Variants in LZTR1 observed in about 807,000 individuals in gnomAD.
LZTR1 encodes leucine-zipper-like transcriptional regulator 1.
In LZTR1, 260 loss-of-function variants were observed where a neutral mutation model predicts 105.7. The observed-to-expected ratio is 2.46, with a 90% CI of 2.22 to 2.72. The LOEUF (loss-of-function observed/expected upper bound fraction) is 2.72, where lower values mean the gene tolerates loss of function less well. LZTR1 is among the 30% of genes most tolerant of loss of function. The pLI, the probability that LZTR1 is intolerant of heterozygous loss-of-function variation, is 0.00. For synonymous variants in LZTR1, 490 were observed against 476.4 expected, an observed-to-expected ratio of 1.03 and a Z score of -0.37; for missense variants, 1,214 against 1,166.9, an observed-to-expected ratio of 1.04 and a Z score of -0.59.
In LZTR1 at chr22:20,991,626, A is replaced by T; in HGVS notation, c.792-2A>T. ...CATTGATTCACTGTTGTGTACCCCC[A>T]GGTGGACACGCATCCCAACTGAACA... On this transcript the variant is annotated splice_acceptor_variant, in intron 8 of 20. Coordinates refer to ENST00000646124, the MANE Select transcript of LZTR1 (RefSeq NM_006767.4). LOFTEE classifies it high-confidence loss of function. The T allele has an allele frequency of 1.3e-6, 2 of 1,582,296 alleles. No homozygotes were observed. Among genetic ancestry groups the T allele is most frequent in the Non-Finnish European group, 1.7e-6 (2 of 1,169,248 alleles).
intron 2 of LZTR1, among the ~76,000 whole-genome samples, chr22:20,985,186 T>A (rs1601715380): frequency 6.7e-6 from 1 of 150,034 alleles, no homozygotes; most frequent in Non-Finnish European, 1.5e-5. Flanking sequence ...GCCTCCCGAG[T>A]AGCTGGGATT....
Position 20,995,774 on chromosome 22 carries a change from A to G in LZTR1, c.1971A>G (p.Ala657=), listed in dbSNP as rs764398850. ...CATCTCTGATCCAGGACATGAAGGC[A>G]TACCTGGAGGGAGCGGGCGCGGAAT... The part of the protein sequence containing the change: ...IGTSLIQDMK[A]YLEGAGAEFC... Residue 657 remains alanine (A), a synonymous_variant, in exon 17 of 21, where the codon GCA becomes GCG. Transcript: ENST00000646124. The G allele has an allele frequency of 2.0e-5, 33 of 1,613,512 alleles. No individual in the cohort carries two copies. Among genetic ancestry groups the G allele is most frequent in the South Asian group, 3.3e-5 (3 of 91,092 alleles).
chr22:20,993,644 A>C lies in LZTR1; in HGVS notation c.1261-18A>C, dbSNP rs749398346. ...CCTGCTGTCTGCAACATCTAGTCTC[A>C]CTGGGCCCCTCTTGCAGTTCTCCTG... On this transcript the variant is annotated intron_variant, in intron 11 of 20. Transcript: ENST00000646124. 3 of 1,607,962 alleles carry C rather than the reference A, an allele frequency of 1.9e-6. No individual in the cohort carries two copies. The highest frequency in any genetic ancestry group is 4.5e-5 in the East Asian group (2 of 44,716).
chr22:20,992,271 AC>A lies in LZTR1; in HGVS notation c.1053del (p.Tyr352MetfsTer109), dbSNP rs2147965456. 1 of 1,613,832 alleles carries A rather than the reference AC, an allele frequency of 6.2e-7. No individual in the cohort carries two copies. Among genetic ancestry groups the A allele is most frequent in the Non-Finnish European group, 8.5e-7 (1 of 1,179,932 alleles). On this transcript the variant is annotated frameshift_variant, in exon 10 of 21. Coordinates refer to ENST00000646124, the MANE Select transcript of LZTR1 (RefSeq NM_006767.4). LOFTEE classifies it high-confidence loss of function. ...ACASEEVPTLTYEERVGFKKS... is the reference protein window; with the variant it reads ...ACASEEVPTLXYEERVGFKKS... The stretch of plus-strand genomic sequence containing the variant: ...TGCTTCCGAGGAGGTGCCCACCCTG[AC>A]CTATGAGGAGCGGGTTGGCTTCAAG...
rs1472913919 is a variant in LZTR1, at chr22:20,988,795, A to AT, written c.516_517insT (p.Val173CysfsTer3). The AT allele has an allele frequency of 1.2e-6, 2 of 1,613,790 alleles. No individual in the cohort carries two copies. Among genetic ancestry groups the AT allele is most frequent in the Non-Finnish European group, 1.7e-6 (2 of 1,179,852 alleles). On this transcript the variant is annotated frameshift_variant, in exon 6 of 21. Transcript: ENST00000646124. LOFTEE classifies it high-confidence loss of function. ...CTCTTCCCTCACACTCCAGGTTGCC[A>AT]GTCGCTAGGTCAGCCCATGGGGCCA... is the stretch of plus-strand genomic sequence containing the variant.
At chr22:20,989,484 G>C in intron 6 of LZTR1, 141 bp from the exon 7 acceptor site, 1 of 742,120 alleles carries the variant, frequency 1.3e-6, no homozygotes, top group African/African-American at 1.7e-5. Flanking sequence ...ACCCCACACA[G>C]AAGTTCCCGC....
Position 20,997,909 on chromosome 22 carries a change from G to A in LZTR1, c.*561G>A, listed in dbSNP as rs1344115492. The A allele has an allele frequency of 6.6e-6, 1 of 152,606 alleles. No individual in the cohort carries two copies. The highest frequency in any genetic ancestry group is 1.5e-5 in the Non-Finnish European group (1 of 68,360). 9.5% of individuals were successfully genotyped at this position (152,606 alleles called of 1,614,324 possible). A position where few individuals can be genotyped will look rare whatever the true frequency, so the allele number is the denominator to read the frequency against. Reference sequence around the variant, plus strand: ...ATGATGTATGGGTCTCACCTGACTTGAGGTGAATTTTGGAGTGAAGGGCCC... The same window carrying A: ...ATGATGTATGGGTCTCACCTGACTTAAGGTGAATTTTGGAGTGAAGGGCCC... On this transcript the variant is annotated 3_prime_UTR_variant, in exon 21 of 21. Coordinates refer to ENST00000646124, the MANE Select transcript of LZTR1 (RefSeq NM_006767.4).
rs1448442728 is a variant in LZTR1, at chr22:20,989,627, TG to T, written c.597del (p.Asn200MetfsTer52). 1 of 1,613,488 alleles carries T rather than the reference TG, an allele frequency of 6.2e-7. No homozygotes were observed. The highest frequency in any genetic ancestry group is 8.5e-7 in the Non-Finnish European group (1 of 1,179,856). ...IFAGYDGNAR[L>X]NDMWTIGLQD... ...CTCACTGGTCTGTCCTAATACAGGT[TG>T]AATGACATGTGGACAATTGGCCTCC... On this transcript the variant is annotated frameshift_variant, in exon 7 of 21. Transcript: ENST00000646124. LOFTEE classifies it high-confidence loss of function.
rs746896119 is a variant in LZTR1 at position 20,994,558 on chromosome 22, G to A, written c.1616G>A (p.Gly539Asp). ...GAGATTCGGGGGCTCTGGGGCGCAG[G>A]CCATGTGGAGGATGTGCTGCTCATC... is the stretch of plus-strand genomic sequence containing the variant. The part of the protein sequence containing the change: ...YTDKIKYPRK[G>D]HVEDVLLIMD... The change falls in exon 15 of 21, where the codon GGC becomes GAC. Residue 539 changes from glycine (G) to aspartate (D), a missense_variant and splice_region_variant. Physicochemically the swap from Gly to Asp is moderately conservative, Grantham distance 94 (BLOSUM62 -1). Transcript: ENST00000646124. The A allele has an allele frequency of 1.2e-6, 2 of 1,608,924 alleles. No homozygotes were observed. Among genetic ancestry groups the A allele is most frequent in the South Asian group, 1.1e-5 (1 of 91,080 alleles).
At position 20,991,687 on chromosome 22, in the gene LZTR1, G is replaced by A. The variant is rs768361273; in HGVS notation, c.851G>A (p.Arg284His). The A allele has an allele frequency of 3.1e-6, 5 of 1,603,628 alleles. No individual in the cohort carries two copies. Among genetic ancestry groups the A allele is most frequent in the East Asian group, 4.5e-5 (2 of 44,556 alleles). The change falls in exon 9 of 21, where the codon CGC (arginine) becomes CAC (histidine). Residue 284 changes from arginine (R) to histidine (H), a missense_variant. Coordinates refer to ENST00000646124, the MANE Select transcript of LZTR1 (RefSeq NM_006767.4). ...LRGSPPPPQR[R>H]YGHTMVAFDR... ...GGCTCCCCACCACCCCCGCAGCGGC[G>A]CTACGGGCATACCATGGTGGCCTTT...
intron 3 of LZTR1, chr22:20,986,759 A>G (rs1360493637): frequency 1.3e-5 from 2 of 152,226 alleles, no homozygotes; most frequent in Non-Finnish European, 2.9e-5. Flanking sequence ...GGTTAGATAG[A>G]TAGGTATTAA....
At position 20,990,510 on chromosome 22, in the gene LZTR1, A is replaced by T; in HGVS notation, c.776A>T (p.Glu259Val). 6.2e-7 allele frequency: 1 copy of T among 1,612,572 alleles called. No individual in the cohort carries two copies. Among genetic ancestry groups the T allele is most frequent in the Non-Finnish European group, 8.5e-7 (1 of 1,179,124 alleles). Residue 259 changes from glutamate (E) to valine (V), a missense_variant, in exon 8 of 21, where the codon GAA becomes GTA. Coordinates refer to ENST00000646124, the MANE Select transcript of LZTR1 (RefSeq NM_006767.4). ...AKITNNLFQF[E>V]FKDKTWTRIP... ...ATAACCAACAACCTCTTCCAGTTTG[A>T]ATTCAAGGACAAGACGTGAGTACTC...
intron 6 of LZTR1, among the ~76,000 whole-genome samples, chr22:20,989,172 C>T (rs987267090): frequency 3.3e-5 from 5 of 152,272 alleles, no homozygotes; most frequent in Non-Finnish European, 7.3e-5. Flanking sequence ...GGCTCAGGCC[C>T]AGCCCTGGTT....
At position 20,994,656 on chromosome 22, in the gene LZTR1, G is replaced by T. The variant is rs768161325; in HGVS notation, c.1714G>T (p.Ala572Ser). 2.5e-6 allele frequency: 4 copies of T among 1,612,802 alleles called. No homozygotes were observed. In the African/African-American group the frequency reaches 5.3e-5, roughly 22 times the overall value. Residue 572 changes from alanine (A) to serine (S), a missense_variant, in exon 15 of 21, where the codon GCC becomes TCC. Coordinates refer to ENST00000646124, the MANE Select transcript of LZTR1 (RefSeq NM_006767.4). ...GCAGCTGTGCCGCCAGTACATCGAG[G>T]CCTCCGTGGACCTGCAGAACGTGCT... is the stretch of plus-strand genomic sequence containing the variant. The part of the protein sequence containing the change: ...LEQLCRQYIE[A>S]SVDLQNVLVV...
chr22:20,995,063 GGGAT>G lies in LZTR1; in HGVS notation c.1942+40_1942+43del, dbSNP rs1228336394. The G allele has an allele frequency of 4.4e-6, 7 of 1,580,292 alleles. No individual in the cohort carries two copies. In the Admixed American group the frequency reaches 8.7e-5, roughly 20 times the overall value. ...CGTTCCCCTTCCCTGGGGGCTGGGA[GGGAT>G]GGTGTTCATCTGCGGTAGGAGATTG... On this transcript the variant is annotated intron_variant, in intron 16 of 20. Coordinates refer to ENST00000646124, the MANE Select transcript of LZTR1 (RefSeq NM_006767.4).
chr22:20,985,174 C>T (rs947565851), intron 2 of LZTR1, among the ~76,000 whole-genome samples: 5 of 151,448 alleles, frequency 3.3e-5, no homozygotes, highest in Non-Finnish European at 7.4e-5. Flanking sequence ...GATTCTGCCG[C>T]AGCCTCCCGA....
intron 16 of LZTR1, chr22:20,995,281 C>T: frequency 1.5e-6 from 1 of 681,228 alleles, no homozygotes; most frequent in Non-Finnish European, 2.7e-6. Context: ...GGACATGGGG[C>T]ACCTCTTTCG....
In LZTR1 at chr22:20,993,741, T is replaced by A; in HGVS notation, c.1340T>A (p.Phe447Tyr). The A allele has an allele frequency of 6.2e-7, 1 of 1,613,110 alleles. No homozygotes were observed. Among genetic ancestry groups the A allele is most frequent in the Non-Finnish European group, 8.5e-7 (1 of 1,179,824 alleles). The change falls in exon 12 of 21, where the codon TTC becomes TAC. Residue 447 changes from phenylalanine (F) to tyrosine (Y), a missense_variant. Phe to Tyr is a conservative substitution (Grantham distance 22). Transcript: ENST00000646124. ...AGCCGCCAGTTCTGCGACGTGGAGT[T>A]CGTGCTGGGTGAGGTGGGTGCCTGT... ...WESRQFCDVE[F>Y]VLGEKEECVQ...
chr22:20,994,616 G>C lies in LZTR1; in HGVS notation c.1674G>C (p.Gln558His), dbSNP rs766667772. The C allele has an allele frequency of 5.1e-5, 82 of 1,612,710 alleles. No homozygotes were observed. Among genetic ancestry groups the C allele is most frequent in the Non-Finnish European group, 6.9e-5 (81 of 1,179,996 alleles). ...MDVYKLALSF[Q>H]LCRLEQLCRQ... ...TGTACAAACTGGCACTGAGCTTCCA[G>C]TTGTGCCGCCTGGAGCAGCTGTGCC... is the stretch of plus-strand genomic sequence containing the variant. The change falls in exon 15 of 21, where the codon CAG becomes CAC. Residue 558 changes from glutamine to histidine, a missense_variant. Coordinates refer to ENST00000646124, the MANE Select transcript of LZTR1 (RefSeq NM_006767.4).
Sources: gnomAD v4.1 joint callset for allele counts (sites outside exome capture counted in the v4.1 genomes callset) on GRCh38, gnomAD v4.1.1 for gene constraint, MANE v1.5 for transcripts, NCBI Gene and HGNC (gene_info 2026-07-23, HGNC 2026-07-21) for gene names.